TMEM40: variants seen among roughly 807,000 people sequenced by gnomAD.
The protein encoded by TMEM40 is transmembrane protein 40.
TMEM40 carries 34 observed loss-of-function variants against 40.8 expected under a neutral mutation model. That is an observed-to-expected ratio of 0.83 (90% confidence interval 0.63 to 1.11). TMEM40 has a LOEUF of 1.11. Among genes scored for constraint, TMEM40 ranks in the 50% least tolerant of loss-of-function variants. TMEM40 has a pLI of 0.00. For synonymous variants in TMEM40, 106 were observed against 107.0 expected (o/e 0.99, Z 0.06); for missense variants, 296 against 280.2 (o/e 1.06, Z -0.40).
chr3:12,745,922 G>GT (rs2061423942), intron 3 of TMEM40, among the ~76,000 whole-genome samples: 2 of 150,848 alleles, frequency 1.3e-5, no homozygotes, highest in Non-Finnish European at 2.9e-5. Context: ...TTTTGAAACG[G>GT]AGTCTCACTC....
At chr3:12,752,362 A>G (rs11915269) in intron 1 of TMEM40, among the ~76,000 whole-genome samples, 9,625 of 152,226 alleles carry the variant, frequency 0.063, 822 homozygotes, top group African/African-American at 0.19. Context: ...AAATGATGAT[A>G]ACAAGCAGCT....
intron 1 of TMEM40, among the ~76,000 whole-genome samples, chr3:12,768,926 G>C: frequency 1.1e-5 from 1 of 92,280 alleles, no homozygotes; most frequent in East Asian, 3.0e-4. Flanking sequence ...GCCGGGGCCG[G>C]GGCGGGGCGG....
At chr3:12,762,637 G>C (rs2061577300), upstream of TMEM40, among the ~76,000 whole-genome samples, 1 of 152,168 alleles carries the variant, frequency 6.6e-6, no homozygotes, top group South Asian at 2.1e-4. Context: ...TCTGTCTCTG[G>C]AGGTATGTAA....
chr3:12,737,864 C>A, intron 7 of TMEM40, 110 bp from the exon 8 acceptor site: 1 of 1,173,432 alleles, frequency 8.5e-7, no homozygotes, highest in South Asian at 1.2e-5. Context: ...CTTCCTGGGT[C>A]AGAGGGCACT....
chr3:12,754,083 C>G (rs2061499598), intron 1 of TMEM40, among the ~76,000 whole-genome samples: 1 of 152,196 alleles, frequency 6.6e-6, no homozygotes, highest in Non-Finnish European at 1.5e-5. Flanking sequence ...AAGGCTGGCT[C>G]TTTCATCACA....
rs182028419 is a variant in TMEM40, at chr3:12,735,737, C to T, written c.620-120G>A. ...GCTCTGATGGTGGAACTTCAGGCAG[C>T]AGGTTAAGCTTAGATAATGGTACTA... On this transcript the variant is annotated intron_variant, in intron 10 of 11. Coordinates refer to ENST00000314124, the MANE Select transcript of TMEM40 (RefSeq NM_018306.4). 2.4e-5 allele frequency: 19 copies of T among 776,990 alleles called. No individual in the cohort carries two copies. The East Asian group carries it at 4.2e-4, about 17-fold the overall frequency. The allele number at this position is 776,990 out of a possible 1,614,324, so 48.1% of individuals were successfully genotyped here. A position where few individuals can be genotyped will look rare whatever the true frequency, so the allele number is the denominator to read the frequency against.
chr3:12,735,514 AG>A, intron 11 of TMEM40, 40 bp downstream of exon 11: 10 of 1,587,920 alleles, frequency 6.3e-6, no homozygotes, highest in Middle Eastern at 1.7e-4. Context: ...AGACCCTGCT[AG>A]GGAGAAAATG....
chr3:12,734,797 G>A lies in TMEM40; in HGVS notation c.683-4C>T, dbSNP rs1463375699. On this transcript the variant is annotated splice_polypyrimidine_tract_variant and splice_region_variant and intron_variant, in intron 11 of 11. Transcript: ENST00000314124. ...CCTCAGTCAGTCTTCCTGAACCCTGGAAGGCAAAGACCACAGGATGGCATG... is the reference window on the plus strand; with the variant it reads ...CCTCAGTCAGTCTTCCTGAACCCTGAAAGGCAAAGACCACAGGATGGCATG... The A allele has an allele frequency of 5.0e-6, 8 of 1,598,826 alleles. No homozygotes were observed. The highest frequency in any genetic ancestry group is 6.8e-6 in the Non-Finnish European group (8 of 1,173,206).
chr3:12,745,337 G>A (rs2061419192), intron 3 of TMEM40, among the ~76,000 whole-genome samples: 1 of 151,192 alleles, frequency 6.6e-6, no homozygotes, highest in Admixed American at 6.6e-5. Context: ...CAAAGTGTTG[G>A]AATTACAGGT....
At chr3:12,754,868 A>G (rs1217829661) in intron 1 of TMEM40, among the ~76,000 whole-genome samples, 1 of 152,250 alleles carries the variant, frequency 6.6e-6, no homozygotes, top group Non-Finnish European at 1.5e-5. Flanking sequence ...TGAGCTCAGA[A>G]GGAAAGGTCA....
chr3:12,766,276 C>A (rs1191838451), intron 1 of TMEM40, among the ~76,000 whole-genome samples: 1 of 151,812 alleles, frequency 6.6e-6, no homozygotes, highest in African/African-American at 2.4e-5. Context: ...CAGTTTGGGT[C>A]TATTATGAAT....
chr3:12,743,751 G>T, intron 4 of TMEM40, 149 bp downstream of exon 4: 2 of 679,994 alleles, frequency 2.9e-6, no homozygotes, highest in Non-Finnish European at 4.9e-6. Context: ...GCAGGGTGTA[G>T]CATCCTTTAT....
At chr3:12,767,408 G>A (rs956618346) in intron 1 of TMEM40, among the ~76,000 whole-genome samples, 1 of 152,156 alleles carries the variant, frequency 6.6e-6, no homozygotes, top group African/African-American at 2.4e-5. Flanking sequence ...CCAGGCGACT[G>A]TGGCATCGAT....
At chr3:12,746,191 C>T (rs2061426434) in intron 3 of TMEM40, among the ~76,000 whole-genome samples, 1 of 152,170 alleles carries the variant, frequency 6.6e-6, no homozygotes, top group Non-Finnish European at 1.5e-5. Flanking sequence ...AGCCACTGTG[C>T]CCAGCCTCTT....
chr3:12,755,185 TCC>T (rs2061511175), intron 1 of TMEM40, among the ~76,000 whole-genome samples: 1 of 100,706 alleles, frequency 9.9e-6, no homozygotes. Context: ...TCTCTCTCCT[TCC>T]TTCCTTCCTT....
chr3:12,738,201 C>T (rs1380496113), intron 6 of TMEM40, 33 bp from the exon 7 acceptor site: 14 of 1,612,928 alleles, frequency 8.7e-6, no homozygotes, highest in Non-Finnish European at 1.2e-5. Flanking sequence ...TAGTGCCCAA[C>T]CCCGCTTGGG....
chr3:12,745,659 C>T (rs1021220304), intron 3 of TMEM40, among the ~76,000 whole-genome samples: 4 of 151,864 alleles, frequency 2.6e-5, no homozygotes, highest in African/African-American at 9.7e-5. Flanking sequence ...ATGTTGCCCA[C>T]GCTGGTCTCG....
intron 1 of TMEM40, among the ~76,000 whole-genome samples, chr3:12,758,257 G>C (rs1336649961): frequency 6.6e-6 from 1 of 151,944 alleles, no homozygotes; most frequent in Non-Finnish European, 1.5e-5. Flanking sequence ...GGTGCTTTAG[G>C]GCTACACTAG....
At chr3:12,754,311 C>A (rs57043921) in intron 1 of TMEM40, among the ~76,000 whole-genome samples, 26,788 of 151,834 alleles carry the variant, frequency 0.18, 2,475 homozygotes, top group African/African-American at 0.23. Context: ...GATTCCGTCT[C>A]AAAACAACAA....
Sources: gnomAD v4.1 joint callset for allele counts (sites outside exome capture counted in the v4.1 genomes callset) on GRCh38, gnomAD v4.1.1 for gene constraint, MANE v1.5 for transcripts, NCBI Gene and HGNC (gene_info 2026-07-23, HGNC 2026-07-21) for gene names.